Variants in CREB5 observed in about 807,000 individuals in gnomAD.
CREB5 encodes the protein cyclic AMP-responsive element-binding protein 5.
In CREB5, 19 loss-of-function variants were observed where a neutral mutation model predicts 57.1. That is an observed-to-expected ratio of 0.33 (90% CI 0.23 to 0.49). CREB5 has a LOEUF of 0.49. CREB5 is among the 20% of genes least tolerant of loss of function. The pLI, the probability that CREB5 is intolerant of heterozygous loss-of-function variation, is 0.99. For missense variants in CREB5, 579 were observed against 671.6 expected, an observed-to-expected ratio of 0.86 and a Z score of 1.52; for synonymous variants, 238 against 238.3, an observed-to-expected ratio of 1.00 and a Z score of 0.01.
chr7:28,559,710 T>G (rs2128638798), intron 4 of CREB5, among the ~76,000 whole-genome samples: 1 of 152,348 alleles, frequency 6.6e-6, no homozygotes, highest in African/African-American at 2.4e-5. Flanking sequence ...TTTAGTCACA[T>G]TTCAACGCCT....
chr7:28,439,670 C>A (rs1789104546), intron 1 of CREB5, among the ~76,000 whole-genome samples: 1 of 152,148 alleles, frequency 6.6e-6, no homozygotes, highest in Admixed American at 6.5e-5. Context: ...GACCTGTATT[C>A]TTAATCTCTG....
chr7:28,359,400 G>A (rs1786414673), intron 1 of CREB5, among the ~76,000 whole-genome samples: 2 of 152,164 alleles, frequency 1.3e-5, no homozygotes, highest in East Asian at 1.9e-4. Context: ...CTGTGTGAAA[G>A]TACTTTGTAA....
At chr7:28,553,551 G>T (rs1794752310) in intron 4 of CREB5, among the ~76,000 whole-genome samples, 1 of 152,202 alleles carries the variant, frequency 6.6e-6, no homozygotes, top group Admixed American at 6.5e-5. Flanking sequence ...AGCATTAAGT[G>T]TGACACAATC....
In CREB5 at chr7:28,415,021, T is replaced by A. The variant is rs73295183; in HGVS notation, c.3+2104T>A. Among the ~76,000 whole-genome samples, 15 of 152,174 alleles carry A rather than the reference T, an allele frequency of 9.9e-5. No individual in the cohort carries two copies. The East Asian group carries it at 2.3e-3, about 23-fold the overall frequency. On this transcript the variant is annotated intron_variant, in intron 1 of 10. Transcript: ENST00000357727. ...TCCCCCTCACCCCCTGAGAAATAGA[T>A]CAGAATCAGTTTATCACTTTAAAAA...
chr7:28,753,921 A>G (rs1805128015), intron 7 of CREB5, among the ~76,000 whole-genome samples: 2 of 151,998 alleles, frequency 1.3e-5, no homozygotes, highest in Non-Finnish European at 2.9e-5. Context: ...AGTTTTTCAG[A>G]AAAAAAGAAG....
intron 4 of CREB5, among the ~76,000 whole-genome samples, chr7:28,551,869 T>TTTTTCTTTATTTC (rs374400464): frequency 8.3e-6 from 1 of 120,414 alleles, no homozygotes; most frequent in Admixed American, 8.0e-5. Flanking sequence ...TCTTTCTTTC[T>TTTTTCTTTATTTC]TTTTCTTTCT....
chr7:28,658,977 A>ATGTATG lies in CREB5; in HGVS notation c.465-59775_465-59774insGTATGT, dbSNP rs1384603425. On this transcript the variant is annotated intron_variant, in intron 5 of 10. Coordinates refer to ENST00000357727, the MANE Select transcript of CREB5 (RefSeq NM_182898.4). The stretch of plus-strand genomic sequence containing the variant: ...TGTATATATATATATATATATATAT[A>ATGTATG]TATGTATATATAAGTCATAATTTAT... Among the ~76,000 whole-genome samples, 885 of 128,764 alleles carry ATGTATG rather than the reference A, an allele frequency of 6.9e-3. 16 individuals are homozygous for ATGTATG. Among genetic ancestry groups the ATGTATG allele is most frequent in the African/African-American group, 0.025 (857 of 34,614 alleles). The allele number at this position is 128,764 out of a possible 152,430, so 84.5% of individuals were successfully genotyped here.
At chr7:28,585,467 A>G (rs949853774) in intron 5 of CREB5, among the ~76,000 whole-genome samples, 1 of 152,216 alleles carries the variant, frequency 6.6e-6, no homozygotes, top group African/African-American at 2.4e-5. Context: ...TCAGCCCCTC[A>G]GCCGGAGGGC....
chr7:28,397,841 G>A (rs1455966848), intron 1 of CREB5, among the ~76,000 whole-genome samples: 4 of 152,142 alleles, frequency 2.6e-5, no homozygotes, highest in Non-Finnish European at 4.4e-5. Flanking sequence ...CTGCAGATCA[G>A]TGCACTGCAG....
At position 28,419,527 on chromosome 7, in the gene CREB5, C is replaced by T. The variant is rs144297639; in HGVS notation, c.3+6610C>T. Among the ~76,000 whole-genome samples the T allele has an allele frequency of 1.6e-4, 25 of 152,310 alleles. No individual in the cohort carries two copies. The East Asian group carries it at 4.6e-3, about 28-fold the overall frequency. On this transcript the variant is annotated intron_variant, in intron 1 of 10. Coordinates refer to ENST00000357727, the MANE Select transcript of CREB5 (RefSeq NM_182898.4). ...GGGCGATTATTTTGGATTCTTTCCT[C>T]CAAGCATCATGCTAAATTTAAAGCA... is the stretch of plus-strand genomic sequence containing the variant.
At chr7:28,449,399 G>T (rs1156771458) in intron 1 of CREB5, among the ~76,000 whole-genome samples, 1 of 151,870 alleles carries the variant, frequency 6.6e-6, no homozygotes, top group Non-Finnish European at 1.5e-5. Context: ...TATTGCTTTC[G>T]CTATTGGCTG....
rs529095658 is a variant in CREB5 at position 28,512,029 on chromosome 7, G to T, written c.291+4292G>T. On this transcript the variant is annotated intron_variant, in intron 4 of 10. Coordinates refer to ENST00000357727, the MANE Select transcript of CREB5 (RefSeq NM_182898.4). ...ACAGGATTTGCTGATGGTTTAGATT[G>T]GGAAGTAATAGAAGCAGCAAAACCA... 7.4e-4 allele frequency among the ~76,000 whole-genome samples: 113 copies of T among 152,308 alleles called. 1 individual carries two copies. Among genetic ancestry groups the T allele is most frequent in the Middle Eastern group, 3.4e-3 (1 of 294 alleles).
chr7:28,781,847 A>G lies in CREB5; in HGVS notation c.703-22352A>G, dbSNP rs76559916. The stretch of plus-strand genomic sequence containing the variant: ...GGCAGAGGGTTTGGACTGTTCCACA[A>G]TTTTAAAAACTTCAAATGAACTTTA... On this transcript the variant is annotated intron_variant, in intron 7 of 10. Coordinates refer to ENST00000357727, the MANE Select transcript of CREB5 (RefSeq NM_182898.4). 8.8e-3 allele frequency among the ~76,000 whole-genome samples: 1,332 copies of G among 152,222 alleles called. 15 individuals are homozygous for G. The highest frequency in any genetic ancestry group is 0.031 in the African/African-American group (1,283 of 41,524).
At chr7:28,537,379 C>CT (rs34698198) in intron 4 of CREB5, among the ~76,000 whole-genome samples, 70,098 of 149,486 alleles carry the variant, frequency 0.47, 16,395 homozygotes, top group South Asian at 0.57. Flanking sequence ...CACTTAAAGC[C>CT]TTTTTTTTTT....
At chr7:28,590,629 TAACA>T (rs1796469200) in intron 5 of CREB5, among the ~76,000 whole-genome samples, 2 of 151,260 alleles carry the variant, frequency 1.3e-5, no homozygotes, top group Admixed American at 1.3e-4. Flanking sequence ...TATACATGTG[TAACA>T]AACCTGCACG....
intron 1 of CREB5, among the ~76,000 whole-genome samples, chr7:28,390,963 T>C (rs189859452): frequency 6.6e-6 from 1 of 150,426 alleles, no homozygotes; most frequent in East Asian, 2.0e-4. Flanking sequence ...ATATAATATA[T>C]GTATAGCACT....
At chr7:28,560,891 T>TGCGTGC (rs1314317818) in intron 4 of CREB5, among the ~76,000 whole-genome samples, 21 of 19,726 alleles carry the variant, frequency 1.1e-3, no homozygotes, top group East Asian at 6.5e-3. Flanking sequence ...TGCGTGCGTG[T>TGCGTGC]GTGTGCGTGC....
In CREB5 at chr7:28,550,876, C is replaced by T. The variant is rs535911304; in HGVS notation, c.292-19489C>T. Among the ~76,000 whole-genome samples, 32 of 152,344 alleles carry T rather than the reference C, an allele frequency of 2.1e-4. 1 individual carries two copies. Among genetic ancestry groups the T allele is most frequent in the African/African-American group, 6.7e-4 (28 of 41,576 alleles). On this transcript the variant is annotated intron_variant, in intron 4 of 10. Coordinates refer to ENST00000357727, the MANE Select transcript of CREB5 (RefSeq NM_182898.4). ...GTTAAGATTTTATAATCTAAAGCAG[C>T]ACTTGGAGTATCACCCCGAGGCTTC...
In CREB5 at chr7:28,356,661, C is replaced by T. The variant is rs549434626; in HGVS notation, c.-25+57220C>T. On this transcript the variant is annotated intron_variant, in intron 1 of 9. Transcript: ENST00000396299. Reference sequence around the variant, plus strand: ...TTCCTTTATGTGTCATGTAAAAGTACAGGTAGATGGCCTAGGGCTGCTGTG... The same window carrying T: ...TTCCTTTATGTGTCATGTAAAAGTATAGGTAGATGGCCTAGGGCTGCTGTG... 4.6e-4 allele frequency among the ~76,000 whole-genome samples: 70 copies of T among 152,298 alleles called. 1 individual carries two copies. Among genetic ancestry groups the T allele is most frequent in the African/African-American group, 1.6e-3 (65 of 41,562 alleles).
Sources: allele counts gnomAD v4.1 joint callset (sites outside exome capture counted in the v4.1 genomes callset), GRCh38; gene constraint gnomAD v4.1.1; transcripts MANE v1.5; gene names NCBI Gene and HGNC (gene_info 2026-07-23, HGNC 2026-07-21).